TP63: variants seen among roughly 807,000 people sequenced by gnomAD.
The protein encoded by TP63 is tumor protein p63.
TP63 carries 17 observed loss-of-function variants against 82.8 expected under a neutral mutation model. That is an observed-to-expected ratio of 0.21 (90% confidence interval 0.14 to 0.31). The LOEUF (loss-of-function observed/expected upper bound fraction) is 0.31, where lower values mean the gene tolerates loss of function less well. TP63 is among the 10% of genes least tolerant of loss of function. The probability of loss-of-function intolerance (pLI) is 1.00; values close to 1 mark genes in which losing one functional copy is unlikely to be tolerated. For missense variants in TP63, 648 were observed against 895.3 expected (o/e 0.72, Z 3.52); for synonymous variants, 330 against 321.7 (o/e 1.03, Z -0.28).
intron 4 of TP63, among the ~76,000 whole-genome samples, chr3:189,827,025 T>C (rs768149257): frequency 3.3e-5 from 5 of 152,336 alleles, no homozygotes; most frequent in South Asian, 2.1e-4. Context: ...ATAATCTCCA[T>C]TGAAGGCTTT....
At chr3:189,851,287 G>A (rs373403368) in intron 4 of TP63, among the ~76,000 whole-genome samples, 2 of 152,164 alleles carry the variant, frequency 1.3e-5, no homozygotes, top group African/African-American at 2.4e-5. Context: ...AGCCAGGCGC[G>A]GTGGCTCACA....
intron 1 of TP63, among the ~76,000 whole-genome samples, chr3:189,670,334 G>T (rs1714783087): frequency 6.6e-6 from 1 of 152,014 alleles, no homozygotes; most frequent in Admixed American, 6.6e-5. Context: ...ATCGATATTT[G>T]TAGCACACAA....
the TP63 span, among the ~76,000 whole-genome samples, chr3:189,612,185 G>A: frequency 6.6e-6 from 1 of 151,910 alleles, no homozygotes; most frequent in African/African-American, 2.4e-5. Context: ...TGTTCCTTTG[G>A]GAAGTGCTGC....
chr3:189,881,189 G>A, intron 10 of TP63: 7 of 985,310 alleles, frequency 7.1e-6, no homozygotes, highest in Non-Finnish European at 8.4e-6. Flanking sequence ...CTTACGTTTT[G>A]AGTAAGTGAG....
chr3:189,608,135 T>C, the TP63 span, among the ~76,000 whole-genome samples: 4 of 152,122 alleles, frequency 2.6e-5, no homozygotes, highest in East Asian at 3.8e-4. Flanking sequence ...CAGTTCCTAA[T>C]TAAAACAGAT....
rs1461904890 is a variant in TP63 at position 189,887,829 on chromosome 3, G to A, written c.1507+1278G>A. Among the ~76,000 whole-genome samples, 4 of 149,968 alleles carry A rather than the reference G, an allele frequency of 2.7e-5. No individual in the cohort carries two copies. The East Asian group carries it at 7.8e-4, about 29-fold the overall frequency. On this transcript the variant is annotated intron_variant, in intron 11 of 13. Transcript: ENST00000264731. ...GAGGCTAGGATTATGACTTTCTGTG[G>A]TCTAATGGCACACATTCATTGTTTT...
At chr3:189,703,990 A>G (rs6773555) in intron 1 of TP63, among the ~76,000 whole-genome samples, 67,011 of 152,092 alleles carry the variant, frequency 0.44, 15,116 homozygotes, top group East Asian at 0.67. Context: ...TATCACTTAC[A>G]CTTCAGTGTG....
chr3:189,839,872 C>G (rs1356005281), intron 4 of TP63, among the ~76,000 whole-genome samples: 2 of 152,142 alleles, frequency 1.3e-5, no homozygotes, highest in East Asian at 3.9e-4. Context: ...TCTTTTTCAG[C>G]CCTGTACAGG....
At chr3:189,886,351 C>T (rs1191885377) in intron 10 of TP63, 43 bp from the exon 11 acceptor site, 8 of 1,601,638 alleles carry the variant, frequency 5.0e-6, no homozygotes, top group Non-Finnish European at 6.8e-6. Context: ...CCCCACTCTT[C>T]AGTGTCCCTT....
chr3:189,713,191 A>T (rs1211182059), intron 1 of TP63, among the ~76,000 whole-genome samples: 1 of 152,174 alleles, frequency 6.6e-6, no homozygotes, highest in Non-Finnish European at 1.5e-5. Flanking sequence ...TGGGCTTTAT[A>T]GCATTCTGTT....
chr3:189,599,359 G>T, the TP63 span, among the ~76,000 whole-genome samples: 3 of 152,148 alleles, frequency 2.0e-5, no homozygotes, highest in Non-Finnish European at 4.4e-5. Flanking sequence ...CAGCTTCTTT[G>T]AAATTTGTGG....
Position 189,821,509 on chromosome 3 carries a change from A to G in TP63, c.579+12983A>G, listed in dbSNP as rs78051882. ...CTTACCACATGGAGGATGCTTCAGA[A>G]CAACAAGGGAAAGAATTAGAGTGTT... is the stretch of plus-strand genomic sequence containing the variant. On this transcript the variant is annotated intron_variant, in intron 4 of 13. Transcript: ENST00000264731. Among the ~76,000 whole-genome samples the G allele has an allele frequency of 3.7e-4, 56 of 152,348 alleles. No homozygotes were observed. The East Asian group carries it at 9.6e-3, about 26-fold the overall frequency.
At chr3:189,793,981 G>A (rs1305367986) in intron 3 of TP63, among the ~76,000 whole-genome samples, 4 of 151,998 alleles carry the variant, frequency 2.6e-5, no homozygotes, top group Non-Finnish European at 5.9e-5. Context: ...GTGTCAAGGT[G>A]AAACATTTGA....
At position 189,647,458 on chromosome 3, in the gene TP63, G is replaced by A. The variant is rs541995309; in HGVS notation, c.62+15881G>A. Among the ~76,000 whole-genome samples, 207 of 147,016 alleles carry A rather than the reference G, an allele frequency of 1.4e-3. 17 individuals carry two copies. The South Asian group carries it at 0.024, about 17-fold the overall frequency. ...TCATATTTCAGCAACCTACCTCTAA[G>A]ATGGTCCAACTCAACAGGTCCTCCT... On this transcript the variant is annotated intron_variant, in intron 1 of 13. Transcript: ENST00000264731.
At chr3:189,720,755 A>AAAG (rs1560133950) in intron 1 of TP63, among the ~76,000 whole-genome samples, 17 of 149,998 alleles carry the variant, frequency 1.1e-4, no homozygotes, top group African/African-American at 2.2e-4. Flanking sequence ...AAAAAAAAAA[A>AAAG]AAGAAGAAGA....
At chr3:189,795,287 T>A (rs1201796839) in intron 3 of TP63, among the ~76,000 whole-genome samples, 1 of 152,018 alleles carries the variant, frequency 6.6e-6, no homozygotes, top group East Asian at 1.9e-4. Flanking sequence ...TGAAAACTTA[T>A]AATAGTCACT....
At chr3:189,814,822 C>T (rs1727984166) in intron 4 of TP63, among the ~76,000 whole-genome samples, 2 of 152,190 alleles carry the variant, frequency 1.3e-5, no homozygotes, top group Non-Finnish European at 2.9e-5. Flanking sequence ...CGTGATGAGC[C>T]AGTTTAATCT....
intron 4 of TP63, among the ~76,000 whole-genome samples, chr3:189,856,975 A>C (rs1030255751): frequency 1.3e-5 from 2 of 152,090 alleles, no homozygotes; most frequent in African/African-American, 4.8e-5. Flanking sequence ...TATTTAACAC[A>C]ATCTCATGCA....
At chr3:189,814,493 A>G (rs1280933683) in intron 4 of TP63, among the ~76,000 whole-genome samples, 2 of 152,192 alleles carry the variant, frequency 1.3e-5, no homozygotes, top group African/African-American at 4.8e-5. Context: ...ACTTCTTGCC[A>G]TAGCTGTTTC....
Sources: allele counts gnomAD v4.1 joint callset (sites outside exome capture counted in the v4.1 genomes callset), GRCh38; gene constraint gnomAD v4.1.1; transcripts MANE v1.5; gene names NCBI Gene and HGNC (gene_info 2026-07-23, HGNC 2026-07-21).